CNTN6: variants seen among roughly 807,000 people sequenced by gnomAD.
CNTN6 encodes the protein contactin-6.
CNTN6 carries 137 observed loss-of-function variants against 122.8 expected under a neutral mutation model. The ratio of observed to expected loss-of-function variants is 1.12; its 90% CI spans 0.97 to 1.29. The LOEUF (loss-of-function observed/expected upper bound fraction) is 1.29, where lower values mean the gene tolerates loss of function less well. Among genes scored for constraint, CNTN6 ranks in the 50% most tolerant of loss-of-function variants. The probability of loss-of-function intolerance (pLI) is 0.00; values close to 1 mark genes in which losing one functional copy is unlikely to be tolerated. For missense variants in CNTN6, 1,634 were observed against 1,223.4 expected (o/e 1.34, Z -5.01); for synonymous variants, 570 against 426.0 (o/e 1.34, Z -4.16).
rs534893101 is a variant in CNTN6 at position 1,125,151 on chromosome 3, A to G, written c.-82-22776A>G. 3.9e-5 allele frequency among the ~76,000 whole-genome samples: 6 copies of G among 152,138 alleles called. No homozygotes were observed. In the East Asian group the frequency reaches 9.7e-4, roughly 25 times the overall value. On this transcript the variant is annotated intron_variant, in intron 1 of 22. Coordinates refer to ENST00000446702, the MANE Select transcript of CNTN6 (RefSeq NM_001289080.2). ...TACACCTCAGATATGCCTGAGAAAC[A>G]GAAATAACCAATGGAAATATTTTTA...
intron 17 of CNTN6, among the ~76,000 whole-genome samples, chr3:1,379,869 C>T (rs1201059040): frequency 6.6e-6 from 1 of 152,128 alleles, no homozygotes; most frequent in East Asian, 1.9e-4. Context: ...GGAGAAGATT[C>T]ATACATTAGG....
At chr3:1,236,119 C>G (rs2094418324) in intron 4 of CNTN6, among the ~76,000 whole-genome samples, 2 of 152,000 alleles carry the variant, frequency 1.3e-5, no homozygotes, top group Non-Finnish European at 1.5e-5. Context: ...GTCTGGTGGT[C>G]TTTCTCTATG....
intron 4 of CNTN6, among the ~76,000 whole-genome samples, chr3:1,276,843 A>G (rs1692459364): frequency 6.6e-6 from 1 of 152,212 alleles, no homozygotes; most frequent in South Asian, 2.1e-4. Flanking sequence ...GACGTTCCAG[A>G]TTAGCTATGT....
At chr3:1,128,451 A>G (rs1206675577) in intron 1 of CNTN6, 1 of 151,994 alleles carries the variant, frequency 6.6e-6, no homozygotes, top group Non-Finnish European at 1.5e-5. Flanking sequence ...AGGATCACCT[A>G]GTCCAACTGC....
intron 1 of CNTN6, among the ~76,000 whole-genome samples, chr3:1,138,540 C>T (rs989528154): frequency 4.6e-5 from 7 of 151,730 alleles, no homozygotes; most frequent in African/African-American, 1.7e-4. Context: ...TTTAATTTGA[C>T]AATTATAGCA....
rs1020416319 is a variant in CNTN6 at position 1,385,694 on chromosome 3, G to A, written c.2601G>A (p.Thr867=). 3.1e-6 allele frequency: 5 copies of A among 1,614,034 alleles called. No homozygotes were observed. The highest frequency in any genetic ancestry group is 2.2e-5 in the East Asian group (1 of 44,868). ...GAAATGTCACAACCAAAAACATCAC[G>A]GGGCTGAAAGCTAATACCATCTACT... ...VSGNVTTKNI[T]GLKANTIYFA... The change falls in exon 20 of 23, where the codon ACG becomes ACA. Residue 867 remains threonine (T), a synonymous_variant. Coordinates refer to ENST00000446702, the MANE Select transcript of CNTN6 (RefSeq NM_001289080.2).
At chr3:1,189,276 G>A (rs1293565462) in intron 2 of CNTN6, among the ~76,000 whole-genome samples, 4 of 152,122 alleles carry the variant, frequency 2.6e-5, no homozygotes, top group African/African-American at 9.7e-5. Context: ...TCTCCTTTTG[G>A]GGGAAAGGGT....
intron 17 of CNTN6, among the ~76,000 whole-genome samples, chr3:1,377,294 A>T (rs534508226): frequency 4.4e-4 from 67 of 152,266 alleles, no homozygotes; most frequent in Non-Finnish European, 7.4e-5. Context: ...TCCCAAATAC[A>T]CGAAAAACAA....
At chr3:1,183,055 T>C (rs1434323916) in intron 2 of CNTN6, among the ~76,000 whole-genome samples, 2 of 152,158 alleles carry the variant, frequency 1.3e-5, no homozygotes, top group East Asian at 3.8e-4. Flanking sequence ...TCTTCTTATC[T>C]TCATGTGTGT....
At chr3:1,248,217 C>T (rs563179372) in intron 4 of CNTN6, among the ~76,000 whole-genome samples, 1 of 152,108 alleles carries the variant, frequency 6.6e-6, no homozygotes, top group African/African-American at 2.4e-5. Context: ...GTAACATATT[C>T]TAGTTCTCAA....
chr3:1,357,625 CAACA>C (rs1384242545), intron 12 of CNTN6, among the ~76,000 whole-genome samples: 1 of 151,780 alleles, frequency 6.6e-6, no homozygotes, highest in African/African-American at 2.4e-5. Context: ...TTCCATCTTC[CAACA>C]AATGTACATA....
chr3:1,402,879 A>C (rs190418515), intron 22 of CNTN6: 1 of 192,868 alleles, frequency 5.2e-6, no homozygotes, highest in Non-Finnish European at 1.1e-5. Flanking sequence ...AGACATCACT[A>C]ATCAAGTGTG....
Position 1,401,692 on chromosome 3 carries a change from A to C in CNTN6, c.2817+147A>C, listed in dbSNP as rs941349834. 3.8e-5 allele frequency: 23 copies of C among 607,008 alleles called. 1 individual carries two copies. The South Asian group carries it at 4.8e-4, about 13-fold the overall frequency. The allele number at this position is 607,008 out of a possible 1,614,324, so 37.6% of individuals were successfully genotyped here. On this transcript the variant is annotated intron_variant, in intron 21 of 22. Transcript: ENST00000446702. ...TTTGAAAATACCATTGCTGCTTTCT[A>C]ATTTTCCATTGAAAATGTTTTACAT...
chr3:1,327,670 T>G, intron 10 of CNTN6, 84 bp downstream of exon 10: 1 of 1,393,190 alleles, frequency 7.2e-7, no homozygotes, highest in South Asian at 1.3e-5. Context: ...CAATTTTTTT[T>G]GTAAATTAGA....
At chr3:1,141,728 C>T (rs1346712616) in intron 1 of CNTN6, among the ~76,000 whole-genome samples, 2 of 152,112 alleles carry the variant, frequency 1.3e-5, no homozygotes, top group African/African-American at 4.8e-5. Flanking sequence ...TTAAAAAGCA[C>T]AATGTTGACA....
chr3:1,371,480 C>A (rs1369819625), intron 12 of CNTN6, among the ~76,000 whole-genome samples: 1 of 152,012 alleles, frequency 6.6e-6, no homozygotes, highest in Non-Finnish European at 1.5e-5. Flanking sequence ...TTGAGTTGCT[C>A]TTTGATGAAT....
intron 7 of CNTN6, among the ~76,000 whole-genome samples, chr3:1,321,295 A>G (rs1195678439): frequency 6.6e-6 from 1 of 151,400 alleles, no homozygotes; most frequent in Non-Finnish European, 1.5e-5. Context: ...TCTGCACTCT[A>G]TTTCTTTTGT....
Position 1,357,916 on chromosome 3 carries a change from T to A in CNTN6, c.1492+5465T>A, listed in dbSNP as rs1274839958. Among the ~76,000 whole-genome samples, 8 of 151,420 alleles carry A rather than the reference T, an allele frequency of 5.3e-5. No individual in the cohort carries two copies. In the Admixed American group the frequency reaches 5.3e-4, roughly 10 times the overall value. ...ATATAATAAAATACATAAATTTTAA[T>A]GTATATTCACTAAATTTTGAAAATG... is the stretch of plus-strand genomic sequence containing the variant. On this transcript the variant is annotated intron_variant, in intron 12 of 22. Transcript: ENST00000446702.
intron 2 of CNTN6, among the ~76,000 whole-genome samples, chr3:1,199,278 C>A (rs1056392401): frequency 4.0e-5 from 6 of 150,924 alleles, no homozygotes; most frequent in African/African-American, 1.5e-4. Context: ...ACCTCAGGTC[C>A]AGGTGATTCT....
Sources: gnomAD v4.1 joint callset for allele counts (sites outside exome capture counted in the v4.1 genomes callset) on GRCh38, gnomAD v4.1.1 for gene constraint, MANE v1.5 for transcripts, NCBI Gene and HGNC (gene_info 2026-07-23, HGNC 2026-07-21) for gene names.